GRIK4: variants seen among roughly 807,000 people sequenced by gnomAD.
The protein encoded by GRIK4 is glutamate receptor ionotropic, kainate 4.
A neutral mutation model predicts 104.9 loss-of-function variants in GRIK4; 40 were observed. That is an observed-to-expected ratio of 0.38 (90% CI 0.30 to 0.50). GRIK4 has a LOEUF of 0.50. Among genes scored for constraint, GRIK4 ranks in the 20% least tolerant of loss-of-function variants. GRIK4 has a pLI of 0.93. For synonymous variants in GRIK4, 485 were observed against 524.9 expected (o/e 0.92, Z 1.04); for missense variants, 1,047 against 1,308.1 (o/e 0.80, Z 3.08).
At chr11:120,814,273 C>G (rs1218163404) in intron 4 of GRIK4, among the ~76,000 whole-genome samples, 1 of 152,138 alleles carries the variant, frequency 6.6e-6, no homozygotes, top group Non-Finnish European at 1.5e-5. Flanking sequence ...AACCCCAGGC[C>G]TTGGGAGCCC....
chr11:120,695,188 C>G (rs889857154), intron 3 of GRIK4, among the ~76,000 whole-genome samples: 1 of 152,220 alleles, frequency 6.6e-6, no homozygotes, highest in Non-Finnish European at 1.5e-5. Context: ...TTCATTCTCA[C>G]GAGCTGGGCT....
intron 13 of GRIK4, chr11:120,936,279 T>A: frequency 2.0e-6 from 1 of 512,386 alleles, no homozygotes; most frequent in South Asian, 1.4e-5. Flanking sequence ...TTCCAGCTCC[T>A]TTGCAACATC....
chr11:120,566,299 A>G (rs1384054004), intron 1 of GRIK4, among the ~76,000 whole-genome samples: 1 of 152,244 alleles, frequency 6.6e-6, no homozygotes, highest in African/African-American at 2.4e-5. Flanking sequence ...ACTGGAGTCC[A>G]GAGACGTTAG....
chr11:120,614,380 C>G (rs1949078313), intron 1 of GRIK4, among the ~76,000 whole-genome samples: 1 of 152,216 alleles, frequency 6.6e-6, no homozygotes, highest in African/African-American at 2.4e-5. Context: ...GAGAGTATGG[C>G]CACTAGCTAG....
chr11:120,802,643 A>G, intron 3 of GRIK4, 50 bp from the exon 4 acceptor site: 1 of 1,513,034 alleles, frequency 6.6e-7, no homozygotes, highest in Non-Finnish European at 9.2e-7. Flanking sequence ...GGAGGAGGGT[A>G]ACAGTAGCGG....
chr11:120,636,530 G>T (rs1037844206), intron 1 of GRIK4, among the ~76,000 whole-genome samples: 1 of 152,084 alleles, frequency 6.6e-6, no homozygotes, highest in Non-Finnish European at 1.5e-5. Flanking sequence ...GGATCAGTTC[G>T]GATTCTTCCC....
In GRIK4 at chr11:120,693,088, T is replaced by G. The variant is rs139176920; in HGVS notation, c.82+32688T>G. Among the ~76,000 whole-genome samples the G allele has an allele frequency of 7.9e-5, 12 of 151,810 alleles. No individual in the cohort carries two copies. In the East Asian group the frequency reaches 2.0e-3, roughly 25 times the overall value. On this transcript the variant is annotated intron_variant, in intron 3 of 20. Coordinates refer to ENST00000527524, the MANE Select transcript of GRIK4 (RefSeq NM_014619.5). Reference sequence around the variant, plus strand: ...AAGAGGCTGTCTTGGCAATTTACATTTTATGATTTTATTTTATTATTATTA... The same window carrying G: ...AAGAGGCTGTCTTGGCAATTTACATGTTATGATTTTATTTTATTATTATTA...
intron 1 of GRIK4, among the ~76,000 whole-genome samples, chr11:120,562,872 G>A (rs553291256): frequency 2.2e-4 from 34 of 152,328 alleles, no homozygotes; most frequent in East Asian, 1.3e-3. Context: ...GTGGAAAAGG[G>A]AGGAGCCAGG....
At chr11:120,564,817 G>T (rs917454883) in intron 1 of GRIK4, 3 of 136,752 alleles carry the variant, frequency 2.2e-5, no homozygotes, top group Admixed American at 1.4e-4. Flanking sequence ...AGGCTCCCGC[G>T]TGGGCCGGCG....
At chr11:120,882,925 C>T (rs754572805) in intron 11 of GRIK4, among the ~76,000 whole-genome samples, 4 of 152,194 alleles carry the variant, frequency 2.6e-5, no homozygotes, top group Admixed American at 6.5e-5. Flanking sequence ...CCAGTGCACC[C>T]GTACCCACTC....
At position 120,952,418 on chromosome 11, in the gene GRIK4, G is replaced by A. The variant is rs1413134260; in HGVS notation, c.1591-437G>A. 6.6e-6 allele frequency among the ~76,000 whole-genome samples: 1 copy of A among 152,206 alleles called. No homozygotes were observed. Among genetic ancestry groups the A allele is most frequent in the Non-Finnish European group, 1.5e-5 (1 of 68,034 alleles). ...CCTGCAAACAAAACCCAGAGACTCC[G>A]GTTGTATTAGCATCCTGGTGAAAAA... On this transcript the variant is annotated intron_variant, in intron 14 of 20. Coordinates refer to ENST00000527524, the MANE Select transcript of GRIK4 (RefSeq NM_014619.5). The surrounding 1 kb of genome is among the most constrained non-coding windows in gnomAD (Gnocchi z 5.2).
intron 14 of GRIK4, among the ~76,000 whole-genome samples, chr11:120,950,540 T>G (rs746652111): frequency 1.2e-4 from 18 of 152,200 alleles, no homozygotes; most frequent in Non-Finnish European, 2.2e-4. Flanking sequence ...GAAATAGTCA[T>G]AAGTGACAGG....
intron 8 of GRIK4, chr11:120,858,192 G>A (rs907253451): frequency 2.0e-5 from 3 of 152,234 alleles, no homozygotes; most frequent in South Asian, 2.1e-4. Flanking sequence ...TGGCTGGGGC[G>A]GGGTTGGGGA....
intron 12 of GRIK4, among the ~76,000 whole-genome samples, chr11:120,901,307 TGCTCGCTGCATCCTGCC>T (rs10530287): frequency 0.75 from 114,334 of 151,538 alleles, 43,712 homozygotes; most frequent in African/African-American, 0.88. Context: ...GCTCAAGACC[TGCTCGCTGCATCCTGCC>T]GCTCGCTGCA....
At chr11:120,648,054 G>A (rs1270262719) in intron 1 of GRIK4, among the ~76,000 whole-genome samples, 2 of 152,216 alleles carry the variant, frequency 1.3e-5, no homozygotes, top group Admixed American at 6.5e-5. Context: ...GTTCTCGGGT[G>A]TATGTGCCCC....
intron 1 of GRIK4, among the ~76,000 whole-genome samples, chr11:120,573,099 A>T (rs998259380): frequency 6.6e-6 from 1 of 152,122 alleles, no homozygotes; most frequent in Non-Finnish European, 1.5e-5. Context: ...GATTGTAGTT[A>T]CCTCGAGGCC....
At chr11:120,538,907 C>T (rs924221461) in intron 1 of GRIK4, among the ~76,000 whole-genome samples, 1 of 152,222 alleles carries the variant, frequency 6.6e-6, no homozygotes, top group African/African-American at 2.4e-5. Context: ...GCCTAGTGTC[C>T]TTGCTGAGCC....
Position 120,905,419 on chromosome 11 carries a change from G to C in GRIK4, c.1402G>C (p.Val468Leu), listed in dbSNP as rs1942845972. The change falls in exon 13 of 21, where the codon GTT becomes CTT. Residue 468 changes from valine (V) to leucine (L), a missense_variant. By Grantham distance (32) the Val-to-Leu change is conservative. This residue lies in a region of GRIK4 where 440 missense variants were observed against 652.3 expected (regional missense o/e 0.67). Transcript: ENST00000527524. The surrounding 1 kb of genome is among the most constrained non-coding windows in gnomAD (Gnocchi z 5.1). ...CCGATTCAACTACAAGATCCGCCTG[G>C]TTGGGGATGGCGTGTACGGCGTTCC... ...ILRFNYKIRL[V>L]GDGVYGVPEA... The C allele has an allele frequency of 6.2e-7, 1 of 1,613,524 alleles. No individual in the cohort carries two copies. Among genetic ancestry groups the C allele is most frequent in the Non-Finnish European group, 8.5e-7 (1 of 1,179,704 alleles).
At chr11:120,932,023 C>T (rs144280781) in intron 13 of GRIK4, among the ~76,000 whole-genome samples, 3 of 152,300 alleles carry the variant, frequency 2.0e-5, no homozygotes, top group South Asian at 2.1e-4. Flanking sequence ...TCACTGGTCC[C>T]TCCTGTTCAG....
Sources: allele counts gnomAD v4.1 joint callset (sites outside exome capture counted in the v4.1 genomes callset), GRCh38; gene constraint gnomAD v4.1.1; regional missense constraint gnomAD v4.1.1; non-coding constraint Gnocchi (gnomAD v3.1); transcripts MANE v1.5; gene names NCBI Gene and HGNC (gene_info 2026-07-23, HGNC 2026-07-21).